NXPH2: variants seen among roughly 807,000 people sequenced by gnomAD.
NXPH2 encodes neurexophilin 2.
A neutral mutation model predicts 19.8 loss-of-function variants in NXPH2; 5 were observed. The observed-to-expected ratio is 0.25, with a 90% confidence interval of 0.13 to 0.53. The LOEUF (loss-of-function observed/expected upper bound fraction) is 0.53. Ranked by LOEUF, NXPH2 falls within the 20% of genes least tolerant of loss-of-function variation. NXPH2 has a pLI of 0.96. For synonymous variants in NXPH2, 154 were observed against 127.4 expected, an observed-to-expected ratio of 1.21 and a Z score of -1.41; for missense variants, 289 against 322.8, an observed-to-expected ratio of 0.90 and a Z score of 0.80.
chr2:138,672,372 A>G (rs569592842), intron 1 of NXPH2, among the ~76,000 whole-genome samples: 1 of 152,376 alleles, frequency 6.6e-6, no homozygotes, highest in South Asian at 2.1e-4. Context: ...ATATCCTAAA[A>G]TAATTGCTAA....
chr2:138,740,263 A>C (rs1681621942), intron 1 of NXPH2, among the ~76,000 whole-genome samples: 1 of 152,116 alleles, frequency 6.6e-6, no homozygotes, highest in Non-Finnish European at 1.5e-5. Flanking sequence ...AGAACTGTTT[A>C]TGTCTGTCCT....
intron 1 of NXPH2, among the ~76,000 whole-genome samples, chr2:138,742,915 G>T (rs976505523): frequency 6.6e-6 from 1 of 152,070 alleles, no homozygotes; most frequent in African/African-American, 2.4e-5. Context: ...AACAAATATT[G>T]ATTGGTCTCG....
intron 1 of NXPH2, among the ~76,000 whole-genome samples, chr2:138,741,225 T>G (rs1004376690): frequency 6.6e-6 from 1 of 152,168 alleles, no homozygotes; most frequent in Non-Finnish European, 1.5e-5. Context: ...CAGGGAAGCA[T>G]GCAGGGGCGT....
intron 1 of NXPH2, among the ~76,000 whole-genome samples, chr2:138,733,364 CAG>C (rs1681482138): frequency 1.3e-5 from 2 of 152,152 alleles, no homozygotes; most frequent in African/African-American, 4.8e-5. Flanking sequence ...TGAATTTAAA[CAG>C]GGGCTGAATG....
chr2:138,677,382 T>A (rs1238049330), intron 1 of NXPH2, among the ~76,000 whole-genome samples: 1 of 152,224 alleles, frequency 6.6e-6, no homozygotes, highest in Non-Finnish European at 1.5e-5. Context: ...GTAATTTATG[T>A]CTTGGCAGGG....
intron 1 of NXPH2, among the ~76,000 whole-genome samples, chr2:138,759,366 G>C (rs1681966047): frequency 6.6e-6 from 1 of 151,266 alleles, no homozygotes; most frequent in Admixed American, 6.6e-5. Context: ...GTGCCACCAG[G>C]CTTTGCCCAT....
In NXPH2 at chr2:138,702,950, T is replaced by C. The variant is rs570073883; in HGVS notation, c.52-31285A>G. Among the ~76,000 whole-genome samples the C allele has an allele frequency of 3.3e-5, 5 of 152,332 alleles. No individual in the cohort carries two copies. The East Asian group carries it at 5.8e-4, about 18-fold the overall frequency. On this transcript the variant is annotated intron_variant, in intron 1 of 1. Transcript: ENST00000272641. ...CAAATGAATGCTAAATCAAACTTAATGAGAACTAAATCAAAGGATGTTCTA... is the reference window on the plus strand; with the variant it reads ...CAAATGAATGCTAAATCAAACTTAACGAGAACTAAATCAAAGGATGTTCTA...
chr2:138,775,806 AT>A (rs1294530794), intron 1 of NXPH2, among the ~76,000 whole-genome samples: 3 of 152,086 alleles, frequency 2.0e-5, no homozygotes, highest in African/African-American at 7.2e-5. Flanking sequence ...ATTTGGACCA[AT>A]TTTTTAAAGC....
rs115574846 is a variant in NXPH2, at chr2:138,685,529, A to G, written c.52-13864T>C. Among the ~76,000 whole-genome samples the G allele has an allele frequency of 7.9e-3, 1,198 of 152,350 alleles. 18 individuals are homozygous for G. The highest frequency in any genetic ancestry group is 0.027 in the African/African-American group (1,125 of 41,574). On this transcript the variant is annotated intron_variant, in intron 1 of 1. Coordinates refer to ENST00000272641, the MANE Select transcript of NXPH2 (RefSeq NM_007226.3). ...TGAAGATATCATAAATTGAAAATGC[A>G]TTTAATACGCTTAACCTACTGATCG...
chr2:138,708,184 C>T lies in NXPH2; in HGVS notation c.52-36519G>A, dbSNP rs573046747. On this transcript the variant is annotated intron_variant, in intron 1 of 1. Coordinates refer to ENST00000272641, the MANE Select transcript of NXPH2 (RefSeq NM_007226.3). ...ATTTCATTGTTTTTCTGGCATGGGA[C>T]AACAGGAAAGCCGATCTGGAAAAAC... Among the ~76,000 whole-genome samples, 9 of 152,240 alleles carry T rather than the reference C, an allele frequency of 5.9e-5. No homozygotes were observed. The South Asian group carries it at 1.7e-3, about 28-fold the overall frequency.
Position 138,671,299 on chromosome 2 carries a change from CA to C in NXPH2, c.417del (p.Asn139LysfsTer20). ...TGTCGGAAATACACACTGAAGGTTC[CA>C]TTTCCATGGTCAACAATTTTCCCTG... The part of the protein sequence containing the change: ...LITGKIVDHG[N>X]GTFSVYFRHN... On this transcript the variant is annotated frameshift_variant, in exon 2 of 2. Coordinates refer to ENST00000272641, the MANE Select transcript of NXPH2 (RefSeq NM_007226.3). LOFTEE classifies it high-confidence loss of function. The C allele has an allele frequency of 6.2e-7, 1 of 1,613,826 alleles. No individual in the cohort carries two copies. The highest frequency in any genetic ancestry group is 8.5e-7 in the Non-Finnish European group (1 of 1,179,814).
intron 1 of NXPH2, among the ~76,000 whole-genome samples, chr2:138,718,572 G>T (rs4538133): frequency 6.6e-6 from 1 of 152,048 alleles, no homozygotes; most frequent in Non-Finnish European, 1.5e-5. Flanking sequence ...AACTGAGAAA[G>T]AAATATATTA....
intron 1 of NXPH2, among the ~76,000 whole-genome samples, chr2:138,777,831 T>TAAAAAAAAAAAAAAAA (rs11299940): frequency 2.2e-5 from 2 of 92,948 alleles, no homozygotes; most frequent in African/African-American, 4.1e-5. Context: ...ACCAAAAAAT[T>TAAAAAAAAAAAAAAAA]AAAAAAAAAA....
intron 1 of NXPH2, among the ~76,000 whole-genome samples, chr2:138,717,778 G>T (rs1681215170): frequency 1.3e-5 from 2 of 152,202 alleles, no homozygotes; most frequent in Middle Eastern, 3.4e-3. Context: ...ATAGAAATGT[G>T]AGGAATCAAA....
At chr2:138,738,461 T>C (rs1053173205) in intron 1 of NXPH2, among the ~76,000 whole-genome samples, 1 of 152,206 alleles carries the variant, frequency 6.6e-6, no homozygotes, top group African/African-American at 2.4e-5. Context: ...ATCTAGCCTT[T>C]AGAGATATAT....
intron 1 of NXPH2, among the ~76,000 whole-genome samples, chr2:138,704,387 T>TTC (rs1680977914): frequency 6.6e-6 from 1 of 151,728 alleles, no homozygotes; most frequent in Non-Finnish European, 1.5e-5. Flanking sequence ...ATCAGCAGTC[T>TTC]AAGATAGATA....
chr2:138,672,506 C>G (rs990316319), intron 1 of NXPH2, among the ~76,000 whole-genome samples: 2 of 151,990 alleles, frequency 1.3e-5, no homozygotes, highest in Non-Finnish European at 1.5e-5. Context: ...GTAAGAGTCC[C>G]CATGTTTACT....
intron 1 of NXPH2, among the ~76,000 whole-genome samples, chr2:138,744,588 C>A (rs1159512156): frequency 6.6e-6 from 1 of 152,154 alleles, no homozygotes; most frequent in Non-Finnish European, 1.5e-5. Context: ...TGCGTTTAAT[C>A]TGCTATTTAA....
intron 1 of NXPH2, among the ~76,000 whole-genome samples, chr2:138,700,645 C>A (rs761693045): frequency 6.6e-6 from 1 of 152,016 alleles, no homozygotes; most frequent in Non-Finnish European, 1.5e-5. Context: ...ATATGGGCTT[C>A]CTTCCCCCTC....
Sources: gnomAD v4.1 joint callset for allele counts (sites outside exome capture counted in the v4.1 genomes callset) on GRCh38, gnomAD v4.1.1 for gene constraint, MANE v1.5 for transcripts, NCBI Gene and HGNC (gene_info 2026-07-23, HGNC 2026-07-21) for gene names.